The following QTGAL variants were observed in gnomAD, a reference collection of about 807,000 sequenced individuals.
The protein encoded by QTGAL is queuosine-tRNA galactosyltransferase.
At chr17:83,023,700 G>C in the QTGAL span, among the ~76,000 whole-genome samples, 1 of 152,296 alleles carries the variant, frequency 6.6e-6, no homozygotes, top group Middle Eastern at 3.4e-3. Context: ...ACGTGGCCTC[G>C]TGTCCCCTTT....
chr17:82,991,446 C>T, the QTGAL span, among the ~76,000 whole-genome samples: 1 of 152,176 alleles, frequency 6.6e-6, no homozygotes, highest in African/African-American at 2.4e-5. Flanking sequence ...TCTCTCTTTG[C>T]CTGTCGCCAT....
the QTGAL span, among the ~76,000 whole-genome samples, chr17:83,022,326 C>T: frequency 7.2e-6 from 1 of 139,754 alleles, no homozygotes; most frequent in Non-Finnish European, 1.6e-5. Flanking sequence ...TTAGCACTGT[C>T]CCCGGCCCAC....
At chr17:83,037,999 T>C in the QTGAL span, among the ~76,000 whole-genome samples, 2 of 152,142 alleles carry the variant, frequency 1.3e-5, no homozygotes, top group Non-Finnish European at 2.9e-5. This position sits in a 1 kb window ranked among gnomAD's most constrained non-coding sequence, Gnocchi z 5.2. Context: ...TCCTTCCTCC[T>C]GGAGAGAAGA....
At chr17:82,964,374 T>C in the QTGAL span, among the ~76,000 whole-genome samples, 1 of 141,514 alleles carries the variant, frequency 7.1e-6, no homozygotes, top group East Asian at 2.1e-4. Context: ...GAAAGGAAAA[T>C]AGAAATTATA....
At chr17:82,985,456 A>G in the QTGAL span, among the ~76,000 whole-genome samples, 9 of 152,172 alleles carry the variant, frequency 5.9e-5, no homozygotes, top group Non-Finnish European at 1.2e-4. Flanking sequence ...GGAAAATTCT[A>G]TCTAAGAGGA....
the QTGAL span, among the ~76,000 whole-genome samples, chr17:83,043,200 A>G: frequency 3.9e-5 from 6 of 152,202 alleles, no homozygotes; most frequent in Non-Finnish European, 8.8e-5. Flanking sequence ...AGAATACTCC[A>G]CTTGACAGCA....
the QTGAL span, among the ~76,000 whole-genome samples, chr17:82,990,660 G>C: frequency 6.6e-6 from 1 of 152,224 alleles, no homozygotes; most frequent in Non-Finnish European, 1.5e-5. Context: ...TTGATCTTTA[G>C]GGATTTCAAA....
chr17:83,043,070 A>T, the QTGAL span, among the ~76,000 whole-genome samples: 1 of 152,256 alleles, frequency 6.6e-6, no homozygotes, highest in Non-Finnish European at 1.5e-5. Flanking sequence ...AAACAGTTCT[A>T]CCGTAACAGT....
the QTGAL span, among the ~76,000 whole-genome samples, chr17:82,962,232 C>T: frequency 7.2e-5 from 11 of 152,296 alleles, 1 homozygote; most frequent in Non-Finnish European, 7.3e-5. Flanking sequence ...GACAGACAGG[C>T]AGTGCTATGG....
At chr17:82,973,844 A>G in the QTGAL span, among the ~76,000 whole-genome samples, 583 of 152,272 alleles carry the variant, frequency 3.8e-3, 3 homozygotes, top group African/African-American at 0.013. Flanking sequence ...GTGGCCCCAC[A>G]ATGGCGCTGG....
chr17:83,048,833 C>T, the QTGAL span: 1 of 1,520,038 alleles, frequency 6.6e-7, no homozygotes, highest in East Asian at 2.3e-5. Flanking sequence ...AACTTAGTTC[C>T]CTTTCCATGG....
At chr17:82,964,698 G>A in the QTGAL span, among the ~76,000 whole-genome samples, 2 of 128,920 alleles carry the variant, frequency 1.6e-5, no homozygotes, top group African/African-American at 3.0e-5. Context: ...ACAGACGCCT[G>A]CAGGTGCACC....
chr17:82,989,494 C>G, the QTGAL span, among the ~76,000 whole-genome samples: 6 of 38,530 alleles, frequency 1.6e-4, no homozygotes, highest in African/African-American at 5.7e-4. Flanking sequence ...TATTCTGGAA[C>G]TAAAAAAAAA....
At chr17:82,963,888 T>G in the QTGAL span, among the ~76,000 whole-genome samples, 1 of 152,194 alleles carries the variant, frequency 6.6e-6, no homozygotes, top group Non-Finnish European at 1.5e-5. Flanking sequence ...GTGAATTGTA[T>G]GGCATGTGAA....
At chr17:82,969,690 A>AT in the QTGAL span, among the ~76,000 whole-genome samples, 176 of 149,968 alleles carry the variant, frequency 1.2e-3, no homozygotes, top group African/African-American at 3.3e-3. Context: ...CATCTTTTAA[A>AT]TTTTTTTTTT....
chr17:82,943,547 CCTGGACA>C, the QTGAL span: 1 of 152,396 alleles, frequency 6.6e-6, no homozygotes, highest in South Asian at 2.1e-4. Flanking sequence ...GGGGATGGGG[CCTGGACA>C]CAGGAACATG....
chr17:82,942,292 A>G, the QTGAL span: 131 of 1,048,608 alleles, frequency 1.2e-4, no homozygotes, highest in Non-Finnish European at 1.6e-4. Flanking sequence ...TGTCAGCCAC[A>G]TAGCTCAGGC....
At chr17:83,002,313 A>C in the QTGAL span, among the ~76,000 whole-genome samples, 1 of 152,186 alleles carries the variant, frequency 6.6e-6, no homozygotes, top group African/African-American at 2.4e-5. Context: ...AGCTGGGCTG[A>C]AACTCAACAT....
the QTGAL span, among the ~76,000 whole-genome samples, chr17:82,998,345 G>C: frequency 1.6e-4 from 24 of 152,202 alleles, no homozygotes; most frequent in South Asian, 4.2e-3. Context: ...TTACAACTTT[G>C]TTTGTTTTGT....
Sources: gnomAD v4.1 joint callset for allele counts (sites outside exome capture counted in the v4.1 genomes callset) on GRCh38, gnomAD v4.1.1 for gene constraint, Gnocchi (gnomAD v3.1) non-coding constraint, MANE v1.5 for transcripts, NCBI Gene and HGNC (gene_info 2026-07-23, HGNC 2026-07-21) for gene names.